Variants in RIT2 observed in about 807,000 individuals in gnomAD.
RIT2 encodes the protein Ras like without CAAX 2, also known as GTP-binding protein Rit2.
Under a neutral mutation model 23.7 loss-of-function variants are expected in RIT2, and 24 were observed. That is an observed-to-expected ratio of 1.01 (90% confidence interval 0.73 to 1.43). The LOEUF (loss-of-function observed/expected upper bound fraction) is 1.43, where lower values mean the gene tolerates loss of function less well. Among genes scored for constraint, RIT2 ranks in the 40% most tolerant of loss-of-function variants. The pLI, the probability that RIT2 is intolerant of heterozygous loss-of-function variation, is 0.00. For missense variants in RIT2, 236 were observed against 266.9 expected, an observed-to-expected ratio of 0.88 and a Z score of 0.81; for synonymous variants, 107 against 91.1, an observed-to-expected ratio of 1.17 and a Z score of -0.99.
At chr18:43,113,149 A>G (rs1053912010) in intron 1 of RIT2, among the ~76,000 whole-genome samples, 53 of 152,310 alleles carry the variant, frequency 3.5e-4, no homozygotes, top group African/African-American at 1.2e-3. Flanking sequence ...TAGAAGGTTA[A>G]TATTAAGAAT....
intron 4 of RIT2, among the ~76,000 whole-genome samples, chr18:42,891,535 T>A (rs1312223591): frequency 6.6e-6 from 1 of 152,148 alleles, no homozygotes; most frequent in Non-Finnish European, 1.5e-5. Context: ...AACCATGGTA[T>A]ATCCAGACAG....
intron 4 of RIT2, among the ~76,000 whole-genome samples, chr18:42,809,551 G>C (rs929322627): frequency 6.6e-6 from 1 of 151,812 alleles, no homozygotes; most frequent in African/African-American, 2.4e-5. Flanking sequence ...ACCTGTATGA[G>C]GCTACTTTGT....
intron 2 of RIT2, among the ~76,000 whole-genome samples, chr18:43,006,606 G>T (rs1281847541): frequency 6.6e-6 from 1 of 151,432 alleles, no homozygotes; most frequent in Non-Finnish European, 1.5e-5. Flanking sequence ...AAATACAATT[G>T]GTGATGCCTT....
intron 1 of RIT2, among the ~76,000 whole-genome samples, chr18:43,071,419 A>G (rs1912894208): frequency 6.6e-6 from 1 of 152,194 alleles, no homozygotes; most frequent in African/African-American, 2.4e-5. Flanking sequence ...GACAAAAAGA[A>G]CATCTTTATT....
At chr18:42,850,223 C>A (rs1045563414) in intron 4 of RIT2, among the ~76,000 whole-genome samples, 1 of 152,076 alleles carries the variant, frequency 6.6e-6, no homozygotes, top group Non-Finnish European at 1.5e-5. Context: ...ATGCTCCGCT[C>A]TTTACCTATC....
At chr18:42,850,076 C>CGTGTGTGTGTGTGT (rs60962443) in intron 4 of RIT2, among the ~76,000 whole-genome samples, 90 of 142,732 alleles carry the variant, frequency 6.3e-4, no homozygotes, top group African/African-American at 2.2e-3. Context: ...AAAATACACC[C>CGTGTGTGTGTGTGT]GTGTGTGTGT....
At chr18:42,748,076 A>G (rs1912959824) in intron 4 of RIT2, among the ~76,000 whole-genome samples, 1 of 152,192 alleles carries the variant, frequency 6.6e-6, no homozygotes, top group South Asian at 2.1e-4. Context: ...GCACATCAAA[A>G]TAAACAATCA....
intron 4 of RIT2, among the ~76,000 whole-genome samples, chr18:42,852,551 T>C (rs761818132): frequency 1.4e-4 from 22 of 152,148 alleles, no homozygotes; most frequent in Non-Finnish European, 2.4e-4. Context: ...CTCGGAGATG[T>C]TGTTGAGAGA....
intron 4 of RIT2, among the ~76,000 whole-genome samples, chr18:42,757,745 G>A (rs144637184): frequency 3.5e-4 from 53 of 152,084 alleles, no homozygotes; most frequent in Middle Eastern, 3.4e-3. Context: ...CCTATTTCTC[G>A]TTTAGTTCTT....
At position 42,989,935 on chromosome 18, in the gene RIT2, G is replaced by C. The variant is rs1910800140; in HGVS notation, c.161-15788C>G. 2.6e-5 allele frequency among the ~76,000 whole-genome samples: 4 copies of C among 151,870 alleles called. No individual in the cohort carries two copies. The South Asian group carries it at 8.3e-4, about 31-fold the overall frequency. Reference sequence around the variant, plus strand: ...TTATCCAGAGAAACAGAACAAGTAAGATAGATATATGTACACACACACATA... The same window carrying C: ...TTATCCAGAGAAACAGAACAAGTAACATAGATATATGTACACACACACATA... On this transcript the variant is annotated intron_variant, in intron 2 of 4. Coordinates refer to ENST00000326695, the MANE Select transcript of RIT2 (RefSeq NM_002930.4).
chr18:42,929,034 G>GATATATATATATATATATATAT (rs770619793), intron 3 of RIT2, among the ~76,000 whole-genome samples: 2,039 of 96,310 alleles, frequency 0.021, 40 homozygotes, highest in East Asian at 0.048. Flanking sequence ...AAAATATGGA[G>GATATATATATATATATATATAT]ATATATATAT....
intron 4 of RIT2, among the ~76,000 whole-genome samples, chr18:42,906,616 T>A (rs1908628848): frequency 6.6e-6 from 1 of 152,156 alleles, no homozygotes; most frequent in Non-Finnish European, 1.5e-5. Context: ...CTATCCAGCT[T>A]CTGTCCTGCT....
intron 3 of RIT2, chr18:42,949,126 A>C (rs1909791697): frequency 2.5e-6 from 1 of 396,838 alleles, no homozygotes; most frequent in East Asian, 3.6e-5. Context: ...TGCCACATAG[A>C]CCATGGCTTC....
intron 4 of RIT2, among the ~76,000 whole-genome samples, chr18:42,858,745 T>A (rs1477097857): frequency 1.3e-5 from 2 of 152,230 alleles, no homozygotes; most frequent in East Asian, 3.9e-4. Flanking sequence ...CAACCACGAA[T>A]CTACTTTCTG....
intron 4 of RIT2, among the ~76,000 whole-genome samples, chr18:42,857,820 G>A (rs1352184150): frequency 6.6e-6 from 1 of 152,168 alleles, no homozygotes; most frequent in Admixed American, 6.5e-5. Context: ...ATGGTATTTG[G>A]TAATGCTCAA....
At chr18:43,001,052 T>A (rs987819883) in intron 2 of RIT2, among the ~76,000 whole-genome samples, 2 of 152,056 alleles carry the variant, frequency 1.3e-5, no homozygotes, top group African/African-American at 4.8e-5. Flanking sequence ...TTTCATTTCA[T>A]TCTATTTCAT....
intron 4 of RIT2, among the ~76,000 whole-genome samples, chr18:42,763,201 G>A (rs1225280444): frequency 6.6e-6 from 1 of 152,146 alleles, no homozygotes; most frequent in East Asian, 1.9e-4. Flanking sequence ...TGTGGCTCAC[G>A]CCTGTAATCC....
intron 1 of RIT2, among the ~76,000 whole-genome samples, chr18:43,055,981 C>T (rs1407465286): frequency 2.0e-5 from 3 of 152,060 alleles, no homozygotes; most frequent in South Asian, 4.1e-4. Flanking sequence ...GAATTCCACA[C>T]CTAAGCCCTC....
At chr18:43,059,054 C>T (rs556141878) in intron 1 of RIT2, among the ~76,000 whole-genome samples, 11 of 152,092 alleles carry the variant, frequency 7.2e-5, no homozygotes, top group South Asian at 2.1e-4. Context: ...CAGGGGCTGT[C>T]GGCTTGAAGA....
Sources: allele counts gnomAD v4.1 joint callset (sites outside exome capture counted in the v4.1 genomes callset), GRCh38; gene constraint gnomAD v4.1.1; transcripts MANE v1.5; gene names NCBI Gene and HGNC (gene_info 2026-07-23, HGNC 2026-07-21).